ACVR2B: variants seen among roughly 807,000 people sequenced by gnomAD.
ACVR2B encodes the protein activin A receptor type 2B.
In ACVR2B, 18 loss-of-function variants were observed where a neutral mutation model predicts 65.1. The ratio of observed to expected loss-of-function variants is 0.28; its 90% CI spans 0.19 to 0.41. The LOEUF (loss-of-function observed/expected upper bound fraction) is 0.41, where lower values mean the gene tolerates loss of function less well. Ranked by LOEUF, ACVR2B falls within the 10% of genes least tolerant of loss-of-function variation. The pLI is 1.00. For missense variants in ACVR2B, 482 were observed against 682.7 expected, an observed-to-expected ratio of 0.71 and a Z score of 3.28; for synonymous variants, 298 against 277.7, an observed-to-expected ratio of 1.07 and a Z score of -0.73.
chr3:38,457,755 C>G (rs1269202655), intron 1 of ACVR2B, among the ~76,000 whole-genome samples: 1 of 152,184 alleles, frequency 6.6e-6, no homozygotes, highest in African/African-American at 2.4e-5. Flanking sequence ...AGTGCAGGCC[C>G]TGATTACTCT....
At position 38,482,124 on chromosome 3, in the gene ACVR2B, C is replaced by T. The variant is rs1710026724; in HGVS notation, c.1075-74C>T. The T allele has an allele frequency of 4.4e-6, 7 of 1,605,402 alleles. No homozygotes were observed. The Admixed American group carries it at 5.0e-5, about 11-fold the overall frequency. ...TTGCCCGCCATCTGGTGCACAGAGG[C>T]TGTAACTCCCATGTCCCAGCTGTGT... On this transcript the variant is annotated intron_variant, in intron 8 of 10. Transcript: ENST00000352511.
intron 1 of ACVR2B, chr3:38,476,571 T>C (rs1709911223): frequency 1.3e-5 from 2 of 153,854 alleles, no homozygotes; most frequent in African/African-American, 2.4e-5. Context: ...TCCTTTCCAT[T>C]CCGTATGGGC....
intron 1 of ACVR2B, among the ~76,000 whole-genome samples, chr3:38,455,605 C>T (rs1207986180): frequency 6.6e-6 from 1 of 152,072 alleles, no homozygotes; most frequent in Non-Finnish European, 1.5e-5. Flanking sequence ...ACACCGAAAG[C>T]GAGTGAGTTC....
Position 38,454,165 on chromosome 3 carries a change from C to G in ACVR2B, c.-158C>G, listed in dbSNP as rs371497039. On this transcript the variant is annotated 5_prime_UTR_variant, in exon 1 of 11. Coordinates refer to ENST00000352511, the MANE Select transcript of ACVR2B (RefSeq NM_001106.4). ...CGCCGACCGGCCCTTGGAGCCCGAA[C>G]GCTGCTCGGGGACGAAGGCGCAGGA... is the stretch of plus-strand genomic sequence containing the variant. 4.6e-6 allele frequency: 2 copies of G among 432,128 alleles called. No homozygotes were observed. The highest frequency in any genetic ancestry group is 1.8e-4 in the East Asian group (2 of 11,408). The allele number at this position is 432,128 out of a possible 1,614,324, so 26.8% of individuals were successfully genotyped here. A position where few individuals can be genotyped will look rare whatever the true frequency, so the allele number is the denominator to read the frequency against.
rs960026597 is a variant in ACVR2B at position 38,486,709 on chromosome 3, T to G, written c.*3377T>G. ...CAGAGAGTAGCCAAGGATCCTTGCT[T>G]CTTCCTTTCTAGTGTGCTGTCATCC... On this transcript the variant is annotated 3_prime_UTR_variant, in exon 11 of 11. Transcript: ENST00000352511. 2 of 152,208 alleles carry G rather than the reference T, an allele frequency of 1.3e-5. No homozygotes were observed. The highest frequency in any genetic ancestry group is 4.8e-5 in the African/African-American group (2 of 41,440). The allele number at this position is 152,208 out of a possible 1,614,324, so 9.4% of individuals were successfully genotyped here. A position where few individuals can be genotyped will look rare whatever the true frequency, so the allele number is the denominator to read the frequency against.
At position 38,493,022 on chromosome 3, in the gene ACVR2B, G is replaced by A. The variant is rs928760341; in HGVS notation, c.*9690G>A. On this transcript the variant is annotated 3_prime_UTR_variant, in exon 11 of 11. Transcript: ENST00000352511. Reference sequence around the variant, plus strand: ...GCACTGGGTCCTCAAATAAACCGATGTGAATGTAGTTTTTTCCCCCTGTGT... The same window carrying A: ...GCACTGGGTCCTCAAATAAACCGATATGAATGTAGTTTTTTCCCCCTGTGT... 1 of 152,548 alleles carries A rather than the reference G, an allele frequency of 6.6e-6. No homozygotes were observed. Among genetic ancestry groups the A allele is most frequent in the African/African-American group, 2.4e-5 (1 of 41,402 alleles). The allele number at this position is 152,548 out of a possible 1,614,324, so 9.4% of individuals were successfully genotyped here. A position where few individuals can be genotyped will look rare whatever the true frequency, so the allele number is the denominator to read the frequency against.
chr3:38,479,586 C>G, intron 6 of ACVR2B, 92 bp from the exon 7 acceptor site: 1 of 1,454,034 alleles, frequency 6.9e-7, no homozygotes, highest in Admixed American at 1.7e-5. Flanking sequence ...GCAGCCTAGC[C>G]ATTGGCCCAC....
intron 1 of ACVR2B, among the ~76,000 whole-genome samples, chr3:38,465,851 A>G (rs549813900): frequency 6.6e-6 from 1 of 152,374 alleles, no homozygotes; most frequent in South Asian, 2.1e-4. Flanking sequence ...TGAAAAATCC[A>G]CATCTATTTC....
intron 1 of ACVR2B, among the ~76,000 whole-genome samples, chr3:38,465,397 C>CAAAAAA (rs71085325): frequency 3.3e-5 from 3 of 90,264 alleles, no homozygotes; most frequent in Non-Finnish European, 6.4e-5. Context: ...GATTCCATCT[C>CAAAAAA]AAAAAAAAAA....
In ACVR2B at chr3:38,478,421, T is replaced by G. The variant is rs1212588727; in HGVS notation, c.569T>G (p.Leu190Arg). 6.2e-7 allele frequency: 1 copy of G among 1,614,022 alleles called. No homozygotes were observed. The highest frequency in any genetic ancestry group is 8.5e-7 in the Non-Finnish European group (1 of 1,180,026). Reference sequence around the variant, plus strand: ...TCCCCTCTGGTGGGCCTGAAGCCACTGCAGCTGCTGGAGATCAAGGCTCGG... The same window carrying G: ...TCCCCTCTGGTGGGCCTGAAGCCACGGCAGCTGCTGGAGATCAAGGCTCGG... ...PPSPLVGLKPLQLLEIKARGR... is the reference protein window; with the variant it reads ...PPSPLVGLKPRQLLEIKARGR... The change falls in exon 5 of 11, where the codon CTG (leucine) becomes CGG (arginine). Residue 190 changes from leucine (L) to arginine (R), a missense_variant. Transcript: ENST00000352511.
chr3:38,488,747 G>A lies in ACVR2B; in HGVS notation c.*5415G>A, dbSNP rs1710164073. On this transcript the variant is annotated 3_prime_UTR_variant, in exon 11 of 11. Transcript: ENST00000352511. Reference sequence around the variant, plus strand: ...ATTTGCTCCTATGGCAGCTCATAGAGGTAACCGAAGTGATTTTTCCTCAGT... The same window carrying A: ...ATTTGCTCCTATGGCAGCTCATAGAAGTAACCGAAGTGATTTTTCCTCAGT... 2.0e-5 allele frequency: 3 copies of A among 152,146 alleles called. No homozygotes were observed. The highest frequency in any genetic ancestry group is 4.4e-5 in the Non-Finnish European group (3 of 68,050). The allele number at this position is 152,146 out of a possible 1,614,324, so 9.4% of individuals were successfully genotyped here. A position where few individuals can be genotyped will look rare whatever the true frequency, so the allele number is the denominator to read the frequency against.
intron 1 of ACVR2B, among the ~76,000 whole-genome samples, chr3:38,456,624 T>C (rs1709554737): frequency 6.6e-6 from 1 of 152,148 alleles, no homozygotes; most frequent in South Asian, 2.1e-4. Flanking sequence ...TGCAGGGTGC[T>C]GGCATGGTTG....
chr3:38,479,937 G>C (rs927849075), intron 7 of ACVR2B, 111 bp downstream of exon 7: 2 of 1,374,484 alleles, frequency 1.5e-6, no homozygotes, highest in Non-Finnish European at 2.0e-6. Flanking sequence ...TACTTACCCT[G>C]CTTGCTGTGT....
chr3:38,469,713 C>G (rs1355350836), intron 1 of ACVR2B, among the ~76,000 whole-genome samples: 1 of 152,166 alleles, frequency 6.6e-6, no homozygotes, highest in Non-Finnish European at 1.5e-5. Context: ...CAAACTTGGC[C>G]TCAAAGTAGT....
At position 38,488,292 on chromosome 3, in the gene ACVR2B, T is replaced by C. The variant is rs1710155461; in HGVS notation, c.*4960T>C. ...TTTAATGAATTCAGGGTTATAAGCA[T>C]AGTTCTTTAAGTAAGATTCCAGATA... is the stretch of plus-strand genomic sequence containing the variant. On this transcript the variant is annotated 3_prime_UTR_variant, in exon 11 of 11. Transcript: ENST00000352511. 6.6e-6 allele frequency: 1 copy of C among 152,246 alleles called. No individual in the cohort carries two copies. The highest frequency in any genetic ancestry group is 1.5e-5 in the Non-Finnish European group (1 of 68,038). The allele number at this position is 152,246 out of a possible 1,614,324, so 9.4% of individuals were successfully genotyped here. A position where few individuals can be genotyped will look rare whatever the true frequency, so the allele number is the denominator to read the frequency against.
Position 38,477,230 on chromosome 3 carries a change from G to A in ACVR2B, c.53-57G>A. 1 of 1,600,406 alleles carries A rather than the reference G, an allele frequency of 6.2e-7. No homozygotes were observed. The highest frequency in any genetic ancestry group is 8.5e-7 in the Non-Finnish European group (1 of 1,170,978). On this transcript the variant is annotated intron_variant, in intron 1 of 10. Coordinates refer to ENST00000352511, the MANE Select transcript of ACVR2B (RefSeq NM_001106.4). This position sits in a 1 kb window ranked among gnomAD's most constrained non-coding sequence, Gnocchi z 6.7. ...CCTGGCACCCAGGACTGGGAGTAGG[G>A]GTTTGGGTGGTGGTCCCAGGGGCAT...
rs140166338 is a variant in ACVR2B at position 38,467,713 on chromosome 3, CTG to C, written c.53-9572_53-9571del. Among the ~76,000 whole-genome samples the C allele has an allele frequency of 6.8e-3, 1,018 of 150,544 alleles. 3 individuals are homozygous for C. Among genetic ancestry groups the C allele is most frequent in the Non-Finnish European group, 0.012 (781 of 67,888 alleles). ...GCTGCAGTGAGCTGTGATTGAGTCA[CTG>C]TACTCCAGCCTAGGTCACAGAGCAA... is the stretch of plus-strand genomic sequence containing the variant. On this transcript the variant is annotated intron_variant, in intron 1 of 10. Transcript: ENST00000352511.
Position 38,459,564 on chromosome 3 carries a change from A to G in ACVR2B, c.52+5190A>G, listed in dbSNP as rs565194843. On this transcript the variant is annotated intron_variant, in intron 1 of 10. Transcript: ENST00000352511. ...CCAAGCGGAGCACTGGGGTTGTAGC[A>G]GGCCGTGGGCATGCCCCTTCCCCTG... 5 of 985,126 alleles carry G rather than the reference A, an allele frequency of 5.1e-6. No homozygotes were observed. In the South Asian group the frequency reaches 1.4e-4, roughly 28 times the overall value. 61.0% of individuals were successfully genotyped at this position (985,126 alleles called of 1,614,324 possible).
rs1428164561 is a variant in ACVR2B, at chr3:38,490,925, A to C, written c.*7593A>C. On this transcript the variant is annotated 3_prime_UTR_variant, in exon 11 of 11. Transcript: ENST00000352511. ...CTCTTTGAATTCTGCCATTTTCAGT[A>C]TTCTTGTGTGTCTGAATAGGCAAAG... 6.6e-6 allele frequency: 1 copy of C among 152,588 alleles called. No homozygotes were observed. Among genetic ancestry groups the C allele is most frequent in the Admixed American group, 6.5e-5 (1 of 15,280 alleles). The allele number at this position is 152,588 out of a possible 1,614,324, so 9.5% of individuals were successfully genotyped here. A position where few individuals can be genotyped will look rare whatever the true frequency, so the allele number is the denominator to read the frequency against.
Sources: allele counts gnomAD v4.1 joint callset (sites outside exome capture counted in the v4.1 genomes callset), GRCh38; gene constraint gnomAD v4.1.1; non-coding constraint Gnocchi (gnomAD v3.1); transcripts MANE v1.5; gene names NCBI Gene and HGNC (gene_info 2026-07-23, HGNC 2026-07-21).